The following DYNC2H1 variants were observed in gnomAD, a reference collection of about 807,000 sequenced individuals.
DYNC2H1 encodes the protein dynein cytoplasmic 2 heavy chain 1, also known as cytoplasmic dynein 2 heavy chain 1.
DYNC2H1 carries 410 observed loss-of-function variants against 570.0 expected under a neutral mutation model. The ratio of observed to expected loss-of-function variants is 0.72; its 90% CI spans 0.66 to 0.78. The LOEUF is 0.78. Among genes scored for constraint, DYNC2H1 ranks in the 30% least tolerant of loss-of-function variants. The pLI, the probability that DYNC2H1 is intolerant of heterozygous loss-of-function variation, is 0.00. For synonymous variants in DYNC2H1, 1,688 were observed against 1,677.6 expected, an observed-to-expected ratio of 1.01 and a Z score of -0.15; for missense variants, 4,865 against 5,046.4, an observed-to-expected ratio of 0.96 and a Z score of 1.09.
At chr11:103,437,316 TTCTG>T (rs1944098862) in intron 85 of DYNC2H1, among the ~76,000 whole-genome samples, 1 of 152,130 alleles carries the variant, frequency 6.6e-6, no homozygotes, top group African/African-American at 2.4e-5. Flanking sequence ...TGTGTACTGA[TTCTG>T]TCTGTTCTCC....
intron 65 of DYNC2H1, among the ~76,000 whole-genome samples, chr11:103,246,523 T>C (rs1183987608): frequency 6.6e-6 from 1 of 152,076 alleles, no homozygotes; most frequent in Non-Finnish European, 1.5e-5. Context: ...GTTCACATTT[T>C]GAACTGTTCT....
chr11:103,286,212 A>C (rs1392887601), intron 73 of DYNC2H1, 43 bp from the exon 74 acceptor site: 1 of 1,595,324 alleles, frequency 6.3e-7, no homozygotes, highest in Non-Finnish European at 8.5e-7. Context: ...ATGTGCTTAT[A>C]TTTGCTTATA....
At chr11:103,158,303 G>T (rs1860925296) in intron 26 of DYNC2H1, among the ~76,000 whole-genome samples, 1 of 152,156 alleles carries the variant, frequency 6.6e-6, no homozygotes, top group Admixed American at 6.5e-5. Context: ...AAAAAAATTA[G>T]CTAGGCGCGG....
chr11:103,346,451 G>C (rs1259443144), intron 82 of DYNC2H1, among the ~76,000 whole-genome samples: 1 of 152,152 alleles, frequency 6.6e-6, no homozygotes, highest in Non-Finnish European at 1.5e-5. Context: ...AATAACTTCT[G>C]ATTTCTAATT....
chr11:103,358,480 C>A, intron 83 of DYNC2H1, 121 bp downstream of exon 83: 3 of 633,218 alleles, frequency 4.7e-6, no homozygotes, highest in East Asian at 5.6e-5. Context: ...ACTGTGAAGT[C>A]ATGGCCCATG....
At chr11:103,411,580 TTATAA>T (rs1377635982) in intron 84 of DYNC2H1, among the ~76,000 whole-genome samples, 3 of 152,024 alleles carry the variant, frequency 2.0e-5, no homozygotes, top group Admixed American at 2.0e-4. Context: ...TTTTCTATGA[TTATAA>T]TATAATGTGG....
rs1301932678 is a variant in DYNC2H1, at chr11:103,252,814, AT to A, written c.10043-470del. The stretch of plus-strand genomic sequence containing the variant: ...TTTAGGTTATTCTTTCATTTTGTTG[AT>A]AATGTGTATTTTTCAGTTACTCATG... On this transcript the variant is annotated intron_variant, in intron 65 of 88. Transcript: ENST00000375735. The surrounding 1 kb of genome is among the most constrained non-coding windows in gnomAD (Gnocchi z 4.6). 6.6e-6 allele frequency among the ~76,000 whole-genome samples: 1 copy of A among 152,098 alleles called. No homozygotes were observed. The highest frequency in any genetic ancestry group is 1.5e-5 in the Non-Finnish European group (1 of 68,000).
intron 38 of DYNC2H1, among the ~76,000 whole-genome samples, chr11:103,178,652 T>C (rs1861725211): frequency 6.6e-6 from 1 of 152,034 alleles, no homozygotes; most frequent in Non-Finnish European, 1.5e-5. Context: ...AGTGGTGAAT[T>C]TTTTATTTCT....
chr11:103,173,300 A>G lies in DYNC2H1; in HGVS notation c.5553A>G (p.Leu1851=), dbSNP rs200903447. ...LSRKLVAIFN[L]SRELLTPQQH... is the part of the protein sequence containing the mutation. ...GAAAATTGGTAGCTATTTTCAATCT[A>G]TCTAGGTGAGTTTTCTTGTTCTAAA... is the stretch of plus-strand genomic sequence containing the variant. The change falls in exon 35 of 89, where the codon CTA becomes CTG. Residue 1851 remains leucine, a synonymous_variant. Coordinates refer to ENST00000375735, the MANE Select transcript of DYNC2H1 (RefSeq NM_001377.3). 1.2e-5 allele frequency: 18 copies of G among 1,554,036 alleles called. No individual in the cohort carries two copies. The Admixed American group carries it at 3.6e-4, about 31-fold the overall frequency.
At chr11:103,221,153 G>A in intron 57 of DYNC2H1, among the ~76,000 whole-genome samples, 1 of 151,502 alleles carries the variant, frequency 6.6e-6, no homozygotes. Context: ...ACCGAGAGAG[G>A]GAAAAAGACA....
intron 77 of DYNC2H1, 104 bp from the exon 78 acceptor site, chr11:103,307,617 A>G: frequency 1.7e-6 from 1 of 577,680 alleles, no homozygotes; most frequent in Non-Finnish European, 2.9e-6. Flanking sequence ...ATACATCAGA[A>G]TGTCACAAAA....
At chr11:103,194,471 TTA>T (rs1394346842) in intron 47 of DYNC2H1, among the ~76,000 whole-genome samples, 4 of 152,208 alleles carry the variant, frequency 2.6e-5, no homozygotes, top group Non-Finnish European at 5.9e-5. Context: ...GCTTGCATGC[TTA>T]CTTTTTTAAG....
chr11:103,411,795 A>G (rs1340276579), intron 84 of DYNC2H1, among the ~76,000 whole-genome samples: 2 of 152,106 alleles, frequency 1.3e-5, no homozygotes, highest in Admixed American at 1.3e-4. Context: ...ACATGTATTT[A>G]TGTAGGATGC....
chr11:103,429,833 TCTC>T lies in DYNC2H1; in HGVS notation c.12367-6107_12367-6105del, dbSNP rs560660325. On this transcript the variant is annotated intron_variant, in intron 84 of 88. Coordinates refer to ENST00000375735, the MANE Select transcript of DYNC2H1 (RefSeq NM_001377.3). ...ATTACAGTGACCTCTCTGCATTTCT[TCTC>T]CTTTTCTTAAAATTGTAAACTGAGT... Among the ~76,000 whole-genome samples the T allele has an allele frequency of 5.3e-5, 8 of 152,316 alleles. No individual in the cohort carries two copies. In the East Asian group the frequency reaches 1.3e-3, roughly 26 times the overall value.
chr11:103,294,932 A>G (rs1422441537), intron 75 of DYNC2H1, among the ~76,000 whole-genome samples: 1 of 152,112 alleles, frequency 6.6e-6, no homozygotes, highest in Non-Finnish European at 1.5e-5. Flanking sequence ...GCAAGACATA[A>G]TCCTCTGTAC....
chr11:103,468,507 T>C lies in DYNC2H1; in HGVS notation c.12649-82T>C, dbSNP rs1390574776. On this transcript the variant is annotated intron_variant, in intron 87 of 88. Coordinates refer to ENST00000375735, the MANE Select transcript of DYNC2H1 (RefSeq NM_001377.3). ...GAATCGGTGAACACAATGGAAAGCA[T>C]AGCTCTTAAGGTAGAATAGAGTAAC... 5.6e-6 allele frequency: 5 copies of C among 892,026 alleles called. No individual in the cohort carries two copies. In the East Asian group the frequency reaches 1.1e-4, roughly 19 times the overall value. 55.3% of individuals were successfully genotyped at this position (892,026 alleles called of 1,614,324 possible). A position where few individuals can be genotyped will look rare whatever the true frequency, so the allele number is the denominator to read the frequency against.
chr11:103,189,888 C>A lies in DYNC2H1; in HGVS notation c.7437+72C>A. 1 of 1,444,680 alleles carries A rather than the reference C, an allele frequency of 6.9e-7. No homozygotes were observed. Among genetic ancestry groups the A allele is most frequent in the Non-Finnish European group, 9.2e-7 (1 of 1,083,682 alleles). 89.5% of individuals were successfully genotyped at this position (1,444,680 alleles called of 1,614,324 possible). On this transcript the variant is annotated intron_variant, in intron 45 of 88. Coordinates refer to ENST00000375735, the MANE Select transcript of DYNC2H1 (RefSeq NM_001377.3). This position sits in a 1 kb window ranked among gnomAD's most constrained non-coding sequence, Gnocchi z 4.3. ...TCTAAAGGTCTACTTTTAATTCTGA[C>A]CTCTGTGTTGACACCCAGGCTTTAC...
chr11:103,184,756 C>G, intron 40 of DYNC2H1, 140 bp from the exon 41 acceptor site: 1 of 728,922 alleles, frequency 1.4e-6, no homozygotes. Flanking sequence ...GAATGAAATC[C>G]AAACTTTCTA....
chr11:103,174,852 T>TA (rs1861731251), intron 36 of DYNC2H1, among the ~76,000 whole-genome samples: 1 of 151,298 alleles, frequency 6.6e-6, no homozygotes, highest in Non-Finnish European at 1.5e-5. Flanking sequence ...CTCCTGGCTT[T>TA]ATTCTTTGGA....
Sources: gnomAD v4.1 joint callset for allele counts (sites outside exome capture counted in the v4.1 genomes callset) on GRCh38, gnomAD v4.1.1 for gene constraint, Gnocchi (gnomAD v3.1) non-coding constraint, MANE v1.5 for transcripts, NCBI Gene and HGNC (gene_info 2026-07-23, HGNC 2026-07-21) for gene names.